Variants in TPR observed in about 807,000 individuals in gnomAD.
TPR encodes translocated promoter region, nuclear basket protein, also known as nucleoprotein TPR.
Under a neutral mutation model 316.1 loss-of-function variants are expected in TPR, and 51 were observed. The ratio of observed to expected loss-of-function variants is 0.16; its 90% CI spans 0.13 to 0.20. The LOEUF (loss-of-function observed/expected upper bound fraction) is 0.20. Ranked by LOEUF, TPR falls within the 10% of genes least tolerant of loss-of-function variation. The pLI is 1.00. For missense variants in TPR, 2,272 were observed against 2,754.8 expected, an observed-to-expected ratio of 0.82 and a Z score of 3.92; for synonymous variants, 981 against 914.7, an observed-to-expected ratio of 1.07 and a Z score of -1.31.
rs985087508 is a variant in TPR, at chr1:186,361,820, T to A, written c.839A>T (p.Asn280Ile). ...SMEEKFHNELNAHIKLSNLYK... is the reference protein window; with the variant it reads ...SMEEKFHNELIAHIKLSNLYK... ...CAAATTAGAAAGTTTTATGTGGGCA[T>A]TTAATTCATTGTGGAATTTCTCTTC... The change falls in exon 8 of 51, where the codon AAT becomes ATT. Residue 280 changes from asparagine to isoleucine, a missense_variant. Physicochemically the swap from Asn to Ile is moderately radical, Grantham distance 149. Coordinates refer to ENST00000367478, the MANE Select transcript of TPR (RefSeq NM_003292.3). 2 of 1,613,038 alleles carry A rather than the reference T, an allele frequency of 1.2e-6. No individual in the cohort carries two copies. The highest frequency in any genetic ancestry group is 1.3e-5 in the African/African-American group (1 of 74,884).
At position 186,344,390 on chromosome 1, in the gene TPR, T is replaced by C. The variant is rs200011256; in HGVS notation, c.3402A>G (p.Arg1134=). ...LLECKASWEE[R]ERMLKDEVSK... The stretch of plus-strand genomic sequence containing the variant: ...ACAATAATACCTTTAACATTCTCTC[T>C]CTTTCCTCCCAAGATGCTTTACACT... The change falls in exon 25 of 51, where the codon AGA becomes AGG. Residue 1134 remains arginine, a synonymous_variant. Coordinates refer to ENST00000367478, the MANE Select transcript of TPR (RefSeq NM_003292.3). 1.2e-3 allele frequency: 1,991 copies of C among 1,613,856 alleles called. 4 individuals carry two copies. Among genetic ancestry groups the C allele is most frequent in the Non-Finnish European group, 1.6e-3 (1,847 of 1,179,900 alleles).
chr1:186,331,543 T>C lies in TPR; in HGVS notation c.5643A>G (p.Val1881=), dbSNP rs767113172. 63 of 1,609,342 alleles carry C rather than the reference T, an allele frequency of 3.9e-5. 1 individual carries two copies. The South Asian group carries it at 6.2e-4, about 16-fold the overall frequency. The change falls in exon 39 of 51, where the codon GTA becomes GTG. Residue 1881 remains valine (V), a synonymous_variant. Coordinates refer to ENST00000367478, the MANE Select transcript of TPR (RefSeq NM_003292.3). ...VMAEESTDGE[V]ETQVYNQDSQ... ...AATCCTGGTTGTATACCTGAGTCTC[T>C]ACCTCTCCATCAGTACTTTCTTCTG...
At chr1:186,352,517 T>C (rs1346215476) in intron 18 of TPR, among the ~76,000 whole-genome samples, 1 of 152,216 alleles carries the variant, frequency 6.6e-6, no homozygotes, top group Non-Finnish European at 1.5e-5. Flanking sequence ...ATGATTGATC[T>C]ATTTAAAGTT....
chr1:186,329,493 G>A (rs1658092644), intron 39 of TPR, among the ~76,000 whole-genome samples: 1 of 152,076 alleles, frequency 6.6e-6, no homozygotes, highest in African/African-American at 2.4e-5. Context: ...TATACACACA[G>A]CCTGAAGTTT....
intron 25 of TPR, 138 bp downstream of exon 25, chr1:186,344,237 T>C (rs1489050629): frequency 6.7e-6 from 9 of 1,346,868 alleles, no homozygotes; most frequent in Non-Finnish European, 9.1e-6. Flanking sequence ...CAGGTGGAGA[T>C]TGCAGTGACC....
intron 17 of TPR, among the ~76,000 whole-genome samples, chr1:186,354,754 C>T (rs919789070): frequency 2.0e-5 from 3 of 152,134 alleles, no homozygotes; most frequent in Non-Finnish European, 2.9e-5. Flanking sequence ...TTCTCTTCTA[C>T]CTAGAATAGA....
At chr1:186,327,914 C>T (rs1658048866) in intron 39 of TPR, among the ~76,000 whole-genome samples, 1 of 151,958 alleles carries the variant, frequency 6.6e-6, no homozygotes, top group African/African-American at 2.4e-5. Flanking sequence ...TCCTGAGTAG[C>T]TGGGACTATA....
rs1558033358 is a variant in TPR at position 186,361,724 on chromosome 1, TAA to T, written c.871-17_871-16del. 1.2e-6 allele frequency: 2 copies of T among 1,613,356 alleles called. No individual in the cohort carries two copies. The highest frequency in any genetic ancestry group is 1.7e-6 in the Non-Finnish European group (2 of 1,179,426). ...TCAGCGGCACTCTAAAAGTTAATCT[TAA>T]AAAGTTACCTAACAGTCAACAATGC... On this transcript the variant is annotated splice_polypyrimidine_tract_variant and intron_variant, in intron 8 of 50. Coordinates refer to ENST00000367478, the MANE Select transcript of TPR (RefSeq NM_003292.3).
Position 186,312,676 on chromosome 1 carries a change from TA to T in TPR, c.*1294del. On this transcript the variant is annotated 3_prime_UTR_variant, in exon 51 of 51. Coordinates refer to ENST00000367478, the MANE Select transcript of TPR (RefSeq NM_003292.3). ...CCTCAATAGTTCTACATCAGAGGGC[TA>T]AAACTGAGATTAAAACTCAGATGTC... 1 of 1,382,760 alleles carries T rather than the reference TA, an allele frequency of 7.2e-7. No homozygotes were observed. Among genetic ancestry groups the T allele is most frequent in the Non-Finnish European group, 1.0e-6 (1 of 973,370 alleles). 85.7% of individuals were successfully genotyped at this position (1,382,760 alleles called of 1,614,324 possible).
chr1:186,311,885 CTG>C lies in TPR; in HGVS notation c.*2084_*2085del. Reference sequence around the variant, plus strand: ...CCTTGCACAAGGGCCATGCTAATCTCTGTATCATTCCAGTTTTAGTATATGTG... The same window carrying C: ...CCTTGCACAAGGGCCATGCTAATCTCTATCATTCCAGTTTTAGTATATGTG... On this transcript the variant is annotated 3_prime_UTR_variant, in exon 51 of 51. Transcript: ENST00000367478. 3.7e-6 allele frequency: 2 copies of C among 545,670 alleles called. No homozygotes were observed. The highest frequency in any genetic ancestry group is 6.5e-6 in the Non-Finnish European group (2 of 309,564). 33.8% of individuals were successfully genotyped at this position (545,670 alleles called of 1,614,324 possible).
intron 34 of TPR, 90 bp from the exon 35 acceptor site, chr1:186,335,219 TC>T: frequency 6.5e-7 from 1 of 1,547,532 alleles, no homozygotes; most frequent in Non-Finnish European, 8.8e-7. Context: ...GTTAATTCTC[TC>T]CGCATATATT....
intron 38 of TPR, 36 bp downstream of exon 38, chr1:186,332,159 G>T: frequency 6.3e-7 from 1 of 1,582,004 alleles, no homozygotes; most frequent in Admixed American, 1.8e-5. Flanking sequence ...AACTCTACTG[G>T]TAAAAGTTAA....
chr1:186,372,317 G>A (rs1406359730), intron 2 of TPR, among the ~76,000 whole-genome samples: 2 of 152,230 alleles, frequency 1.3e-5, no homozygotes, highest in African/African-American at 4.8e-5. Flanking sequence ...CGAGGCGGGA[G>A]AATCGCTCGA....
Position 186,346,271 on chromosome 1 carries a change from C to T in TPR, c.2960G>A (p.Arg987His), listed in dbSNP as rs371802543. 38 of 1,612,488 alleles carry T rather than the reference C, an allele frequency of 2.4e-5. No homozygotes were observed. The highest frequency in any genetic ancestry group is 3.0e-5 in the Non-Finnish European group (35 of 1,179,368). The change falls in exon 23 of 51, where the codon CGT becomes CAT. Residue 987 changes from arginine to histidine, a missense_variant. By Grantham distance (29) the Arg-to-His change is conservative (BLOSUM62 0). This residue lies in a region of TPR where 757 missense variants were observed against 859.8 expected (regional missense o/e 0.88). Coordinates refer to ENST00000367478, the MANE Select transcript of TPR (RefSeq NM_003292.3). ...NKEKQVTEEVRKNIEVRLKES... is the reference protein window; with the variant it reads ...NKEKQVTEEVHKNIEVRLKES... ...TTTTAAACGAACTTCAATATTCTTA[C>T]GCACTTCTTCTGTCACCTTTACCAT...
At position 186,313,716 on chromosome 1, in the gene TPR, G is replaced by A. The variant is rs1193008587; in HGVS notation, c.*255C>T. The stretch of plus-strand genomic sequence containing the variant: ...TAACATTGATGTGCCTAGTAGAACA[G>A]CAAGAGCAATTACTACTCGTTCTGG... On this transcript the variant is annotated 3_prime_UTR_variant, in exon 51 of 51. Transcript: ENST00000367478. 4 of 1,609,006 alleles carry A rather than the reference G, an allele frequency of 2.5e-6. No homozygotes were observed. Among genetic ancestry groups the A allele is most frequent in the East Asian group, 2.2e-5 (1 of 44,750 alleles).
Position 186,320,334 on chromosome 1 carries a change from A to G in TPR, c.6546T>C (p.Leu2182=). ...TACCTCCTTGAGAAGCAAGCTGGCC[A>G]AGATCAGAGTGACTAGAACTTGTTT... ...MPQTSSSHSD[L]GQLASQGGLG... The change falls in exon 46 of 51, where the codon CTT becomes CTC. Residue 2182 remains leucine (L), a synonymous_variant. Transcript: ENST00000367478. 1.9e-6 allele frequency: 3 copies of G among 1,611,962 alleles called. No homozygotes were observed. The Middle Eastern group carries it at 5.0e-4, about 266-fold the overall frequency.
In TPR at chr1:186,372,532, A is replaced by C. The variant is rs180741342; in HGVS notation, c.256+827T>G. On this transcript the variant is annotated intron_variant, in intron 2 of 50. Transcript: ENST00000367478. Reference sequence around the variant, plus strand: ...ATTCCAGCCTGGGCAACACAGTGAGACTCTGTCTCCAAAAAAAAAGGAAAA... The same window carrying C: ...ATTCCAGCCTGGGCAACACAGTGAGCCTCTGTCTCCAAAAAAAAAGGAAAA... Among the ~76,000 whole-genome samples the C allele has an allele frequency of 1.2e-3, 182 of 151,746 alleles. 1 individual carries two copies. Among genetic ancestry groups the C allele is most frequent in the African/African-American group, 4.2e-3 (173 of 41,338 alleles).
intron 3 of TPR, among the ~76,000 whole-genome samples, chr1:186,369,707 CT>C (rs1659462237): frequency 6.6e-6 from 1 of 151,944 alleles, no homozygotes; most frequent in African/African-American, 2.4e-5. Context: ...TTATTTCTTC[CT>C]TTCCAATTTG....
At position 186,312,525 on chromosome 1, in the gene TPR, T is replaced by C; in HGVS notation, c.*1446A>G. 3 of 854,280 alleles carry C rather than the reference T, an allele frequency of 3.5e-6. No individual in the cohort carries two copies. The highest frequency in any genetic ancestry group is 2.8e-5 in the Admixed American group (1 of 35,760). 52.9% of individuals were successfully genotyped at this position (854,280 alleles called of 1,614,324 possible). Reference sequence around the variant, plus strand: ...AAACTCATCCACTTGCCTTAGTGAATAACCAAAGACCAATACTTTCTTTTT... The same window carrying C: ...AAACTCATCCACTTGCCTTAGTGAACAACCAAAGACCAATACTTTCTTTTT... On this transcript the variant is annotated 3_prime_UTR_variant, in exon 51 of 51. Transcript: ENST00000367478.
Sources: allele counts gnomAD v4.1 joint callset (sites outside exome capture counted in the v4.1 genomes callset), GRCh38; gene constraint gnomAD v4.1.1; regional missense constraint gnomAD v4.1.1; transcripts MANE v1.5; gene names NCBI Gene and HGNC (gene_info 2026-07-23, HGNC 2026-07-21).